MAML3: variants seen among roughly 807,000 people sequenced by gnomAD.
MAML3 encodes mastermind like transcriptional coactivator 3.
A neutral mutation model predicts 101.9 loss-of-function variants in MAML3; 27 were observed. That is an observed-to-expected ratio of 0.27 (90% CI 0.20 to 0.37). The LOEUF is 0.37. Among genes scored for constraint, MAML3 ranks in the 10% least tolerant of loss-of-function variants. The pLI is 1.00. For missense variants in MAML3, 1,316 were observed against 1,444.9 expected (o/e 0.91, Z 1.45); for synonymous variants, 501 against 555.9 (o/e 0.90, Z 1.39).
rs138659247 is a variant in MAML3 at position 139,817,301 on chromosome 4, C to A, written c.2079+72056G>T. Among the ~76,000 whole-genome samples the A allele has an allele frequency of 5.4e-3, 821 of 152,316 alleles. 9 individuals carry two copies. Among genetic ancestry groups the A allele is most frequent in the African/African-American group, 0.018 (735 of 41,558 alleles). On this transcript the variant is annotated intron_variant, in intron 2 of 4. Transcript: ENST00000509479. ...TCACTTCCATCTCCATTTGTTGGCT[C>A]AGGGGTCACCATATCTCCCCTTCGA...
At chr4:140,105,479 AG>A (rs1362451852) in intron 1 of MAML3, among the ~76,000 whole-genome samples, 3 of 152,214 alleles carry the variant, frequency 2.0e-5, no homozygotes, top group Non-Finnish European at 2.9e-5. Flanking sequence ...AGACCTTCTT[AG>A]TACCTTATGG....
intron 1 of MAML3, among the ~76,000 whole-genome samples, chr4:140,075,812 G>A (rs1271955003): frequency 6.6e-6 from 1 of 151,884 alleles, no homozygotes; most frequent in African/African-American, 2.4e-5. Flanking sequence ...CCAGGCTGGA[G>A]TGCAGTGGTA....
intron 1 of MAML3, among the ~76,000 whole-genome samples, chr4:140,110,272 T>C (rs931953932): frequency 2.0e-5 from 3 of 152,240 alleles, no homozygotes; most frequent in African/African-American, 7.2e-5. Flanking sequence ...ACAGGGGCAA[T>C]GAGCCCCCTA....
chr4:139,996,402 C>T (rs75918187), intron 1 of MAML3, among the ~76,000 whole-genome samples: 76 of 152,076 alleles, frequency 5.0e-4, no homozygotes, highest in Non-Finnish European at 8.1e-4. Flanking sequence ...TCTATTTCTT[C>T]CTTCAGTTCT....
chr4:139,858,508 T>A (rs1731708678), intron 2 of MAML3, among the ~76,000 whole-genome samples: 1 of 149,392 alleles, frequency 6.7e-6, no homozygotes, highest in Admixed American at 6.7e-5. Context: ...TCAGTCAAAC[T>A]ATGAGACTCC....
rs150423168 is a variant in MAML3 at position 139,720,349 on chromosome 4, C to T, written c.2417-26G>A. 9.8e-4 allele frequency: 1,483 copies of T among 1,509,220 alleles called. 9 individuals are homozygous for T. The African/African-American group carries it at 0.019, about 19-fold the overall frequency. The allele number at this position is 1,509,220 out of a possible 1,614,324, so 93.5% of individuals were successfully genotyped here. A position where few individuals can be genotyped will look rare whatever the true frequency, so the allele number is the denominator to read the frequency against. ...CTGCAGTGAAAAAGAGGACACATAC[C>T]ACTCACTCTTCTCCATAAGCAATAT... On this transcript the variant is annotated intron_variant, in intron 4 of 4. Transcript: ENST00000509479.
chr4:140,050,326 T>C (rs1727246792), intron 1 of MAML3, among the ~76,000 whole-genome samples: 1 of 152,136 alleles, frequency 6.6e-6, no homozygotes, highest in Non-Finnish European at 1.5e-5. Context: ...CATCCTTCTT[T>C]CGTTCGTAGA....
chr4:139,730,707 T>G, intron 2 of MAML3, 40 bp from the exon 3 acceptor site: 4 of 1,567,774 alleles, frequency 2.6e-6, no homozygotes, highest in Non-Finnish European at 3.5e-6. Flanking sequence ...GGATTCCCCA[T>G]AGAGACTCAC....
chr4:140,020,079 T>C (rs747189899), intron 1 of MAML3, among the ~76,000 whole-genome samples: 3 of 152,214 alleles, frequency 2.0e-5, no homozygotes, highest in Admixed American at 6.5e-5. Context: ...TTCTTCCCAC[T>C]GCAAACACCA....
At chr4:139,773,312 T>C (rs1015663062) in intron 2 of MAML3, among the ~76,000 whole-genome samples, 1 of 152,220 alleles carries the variant, frequency 6.6e-6, no homozygotes, top group African/African-American at 2.4e-5. Flanking sequence ...TGATGACTGC[T>C]AAGCCTTGTC....
At chr4:139,833,167 G>A (rs1731198880) in intron 2 of MAML3, among the ~76,000 whole-genome samples, 1 of 152,194 alleles carries the variant, frequency 6.6e-6, no homozygotes. Context: ...GGGAAGCAGA[G>A]GAAAAACAAA....
intron 2 of MAML3, among the ~76,000 whole-genome samples, chr4:139,867,817 C>T (rs930934782): frequency 2.0e-5 from 3 of 152,236 alleles, no homozygotes; most frequent in Non-Finnish European, 4.4e-5. Context: ...GAAGACCCTG[C>T]AGCTGGTAAG....
intron 2 of MAML3, among the ~76,000 whole-genome samples, chr4:139,803,628 T>C (rs1470091844): frequency 6.6e-6 from 1 of 152,166 alleles, no homozygotes; most frequent in Non-Finnish European, 1.5e-5. Flanking sequence ...AAGTTACTAA[T>C]ACTGCCACAT....
chr4:140,059,043 A>T (rs902253476), intron 1 of MAML3, among the ~76,000 whole-genome samples: 1 of 152,128 alleles, frequency 6.6e-6, no homozygotes, highest in Admixed American at 6.6e-5. Flanking sequence ...ATGTGATTTC[A>T]CTTTTGCCTA....
chr4:139,851,683 G>A (rs1336754614), intron 2 of MAML3, among the ~76,000 whole-genome samples: 2 of 152,230 alleles, frequency 1.3e-5, no homozygotes, highest in Non-Finnish European at 2.9e-5. Flanking sequence ...TGGATTTTGT[G>A]TACATGGCTT....
intron 2 of MAML3, among the ~76,000 whole-genome samples, chr4:139,837,020 G>A (rs544324338): frequency 6.6e-6 from 1 of 151,696 alleles, no homozygotes; most frequent in Admixed American, 6.6e-5. Flanking sequence ...TACTCAGGAG[G>A]CTGGGGCTGA....
intron 1 of MAML3, among the ~76,000 whole-genome samples, chr4:140,041,452 C>T (rs1313451606): frequency 4.6e-5 from 7 of 152,058 alleles, no homozygotes; most frequent in Admixed American, 2.6e-4. Context: ...GGCGAAACCC[C>T]GTCTCTACTA....
chr4:139,830,209 G>A (rs959945884), intron 2 of MAML3, among the ~76,000 whole-genome samples: 14 of 152,148 alleles, frequency 9.2e-5, no homozygotes, highest in African/African-American at 3.1e-4. Flanking sequence ...AAGAGTTTTG[G>A]AGGAGACTCC....
At chr4:139,999,862 A>G (rs1477154374) in intron 1 of MAML3, among the ~76,000 whole-genome samples, 1 of 152,226 alleles carries the variant, frequency 6.6e-6, no homozygotes, top group East Asian at 1.9e-4. Context: ...CTGGATATAC[A>G]TTAAGAACTC....
Sources: gnomAD v4.1 joint callset for allele counts (sites outside exome capture counted in the v4.1 genomes callset) on GRCh38, gnomAD v4.1.1 for gene constraint, MANE v1.5 for transcripts, NCBI Gene and HGNC (gene_info 2026-07-23, HGNC 2026-07-21) for gene names.